COMMD7: variants seen among roughly 807,000 people sequenced by gnomAD.
The protein encoded by COMMD7 is COMM domain containing 7.
In COMMD7, 28 loss-of-function variants were observed where a neutral mutation model predicts 34.8. That is an observed-to-expected ratio of 0.80 (90% CI 0.60 to 1.10). COMMD7 has a LOEUF of 1.10. COMMD7 is among the 50% of genes least tolerant of loss of function. COMMD7 has a pLI of 0.00. For synonymous variants in COMMD7, 80 were observed against 86.4 expected, an observed-to-expected ratio of 0.93 and a Z score of 0.41; for missense variants, 211 against 241.6, an observed-to-expected ratio of 0.87 and a Z score of 0.84.
intron 3 of COMMD7, among the ~76,000 whole-genome samples, chr20:32,713,034 T>C (rs896146015): frequency 6.6e-6 from 1 of 150,822 alleles, no homozygotes; most frequent in African/African-American, 2.4e-5. Flanking sequence ...GCCCGTCCTC[T>C]TTCTTTTTTA....
chr20:32,711,939 CT>C (rs1984469211), intron 3 of COMMD7, among the ~76,000 whole-genome samples: 1 of 150,678 alleles, frequency 6.6e-6, no homozygotes, highest in Non-Finnish European at 1.5e-5. Context: ...AATCCCAGCA[CT>C]TTCGGAGGCC....
chr20:32,703,531 C>G lies in COMMD7; in HGVS notation c.527-73G>C, dbSNP rs1317339517. The G allele has an allele frequency of 1.4e-5, 22 of 1,557,384 alleles. No individual in the cohort carries two copies. The Admixed American group carries it at 4.7e-4, about 33-fold the overall frequency. On this transcript the variant is annotated intron_variant, in intron 8 of 8. Coordinates refer to ENST00000278980, the MANE Select transcript of COMMD7 (RefSeq NM_053041.3). ...AATCATCCAAGAAAATTAATTTCCACCCGGAGGATTTTTTTTTTCTTTTTT... is the reference window on the plus strand; with the variant it reads ...AATCATCCAAGAAAATTAATTTCCAGCCGGAGGATTTTTTTTTTCTTTTTT...
At chr20:32,714,824 A>AAACAACAACAACAACAAC (rs55911529) in intron 3 of COMMD7, among the ~76,000 whole-genome samples, 9,941 of 139,640 alleles carry the variant, frequency 0.071, 429 homozygotes, top group Non-Finnish European at 0.088. Context: ...ACTCCATCTC[A>AAACAACAACAACAACAAC]AACAACAACA....
At chr20:32,718,922 G>A (rs535116176) in intron 3 of COMMD7, among the ~76,000 whole-genome samples, 4 of 152,118 alleles carry the variant, frequency 2.6e-5, no homozygotes, top group Non-Finnish European at 5.9e-5. Flanking sequence ...CAAGGCTGGG[G>A]TTGCGGGGAG....
At chr20:32,730,887 G>T (rs540437372) in intron 1 of COMMD7, among the ~76,000 whole-genome samples, 2 of 152,216 alleles carry the variant, frequency 1.3e-5, no homozygotes, top group South Asian at 4.1e-4. Flanking sequence ...TATAAAAAAA[G>T]AAAAAGATTA....
intron 5 of COMMD7, among the ~76,000 whole-genome samples, 194 bp downstream of exon 5, chr20:32,706,389 T>A (rs1334346903): frequency 6.6e-6 from 1 of 151,726 alleles, no homozygotes; most frequent in Non-Finnish European, 1.5e-5. Context: ...GGCATGTGCC[T>A]GTAGTCCCAG....
chr20:32,711,995 G>C (rs1984475750), intron 3 of COMMD7, among the ~76,000 whole-genome samples: 1 of 122,318 alleles, frequency 8.2e-6, no homozygotes, highest in South Asian at 2.8e-4. Flanking sequence ...CTGAGGGCTG[G>C]GCACGATGGC....
At chr20:32,726,465 A>G (rs6058832) in intron 3 of COMMD7, among the ~76,000 whole-genome samples, 103,840 of 151,470 alleles carry the variant, frequency 0.69, 36,331 homozygotes, top group Middle Eastern at 0.82. Flanking sequence ...ACTTTGGGAG[A>G]CTGAGGTGGG....
At chr20:32,706,373 C>T (rs1242029864) in intron 5 of COMMD7, among the ~76,000 whole-genome samples, 1 of 151,748 alleles carries the variant, frequency 6.6e-6, no homozygotes, top group East Asian at 1.9e-4. Flanking sequence ...ATTAGCTGGG[C>T]ATGGTGGCAT....
chr20:32,716,859 CTT>C (rs34687680), intron 3 of COMMD7, among the ~76,000 whole-genome samples: 12 of 146,866 alleles, frequency 8.2e-5, no homozygotes, highest in Non-Finnish European at 1.2e-4. Context: ...GGGTTAGTAA[CTT>C]TTTTTTTTTT....
intron 3 of COMMD7, among the ~76,000 whole-genome samples, chr20:32,714,453 C>T (rs1274423288): frequency 1.4e-5 from 2 of 146,600 alleles, no homozygotes; most frequent in East Asian, 2.1e-4. Flanking sequence ...TTTGGGAGGC[C>T]GAGGCAAGCG....
At chr20:32,727,051 G>C (rs1010206603) in intron 3 of COMMD7, among the ~76,000 whole-genome samples, 2 of 151,950 alleles carry the variant, frequency 1.3e-5, no homozygotes, top group African/African-American at 2.4e-5. Flanking sequence ...GTAACATAGA[G>C]AGACTCTATC....
At chr20:32,713,467 TG>T (rs1447853375) in intron 3 of COMMD7, among the ~76,000 whole-genome samples, 6 of 152,216 alleles carry the variant, frequency 3.9e-5, no homozygotes, top group African/African-American at 1.4e-4. Flanking sequence ...CCAAGACGGT[TG>T]GAAAAACAGC....
chr20:32,714,463 G>A (rs576104085), intron 3 of COMMD7, among the ~76,000 whole-genome samples: 8 of 152,010 alleles, frequency 5.3e-5, no homozygotes, highest in South Asian at 2.1e-4. Flanking sequence ...CGAGGCAAGC[G>A]GATCACCTGA....
At chr20:32,714,106 C>CT (rs1984630230) in intron 3 of COMMD7, among the ~76,000 whole-genome samples, 2 of 152,026 alleles carry the variant, frequency 1.3e-5, no homozygotes. Flanking sequence ...GAGTGTGACT[C>CT]TGTCTTAAAA....
At chr20:32,713,002 G>T (rs1984565824) in intron 3 of COMMD7, among the ~76,000 whole-genome samples, 1 of 151,420 alleles carries the variant, frequency 6.6e-6, no homozygotes, top group Non-Finnish European at 1.5e-5. Flanking sequence ...AAAGTGCTGG[G>T]ATTACAGGCG....
intron 1 of COMMD7, among the ~76,000 whole-genome samples, chr20:32,731,227 A>G (rs546521016): frequency 1.3e-5 from 2 of 152,298 alleles, no homozygotes; most frequent in Admixed American, 1.3e-4. Context: ...CTGAGGCAGG[A>G]GGATTGCTTC....
intron 3 of COMMD7, among the ~76,000 whole-genome samples, chr20:32,724,249 G>A (rs1264925563): frequency 1.2e-3 from 25 of 21,098 alleles, no homozygotes; most frequent in South Asian, 6.8e-3. Flanking sequence ...CTGGCCAGCC[G>A]CCCCGTCCGG....
At chr20:32,741,712 G>T (rs1986457758) in intron 1 of COMMD7, among the ~76,000 whole-genome samples, 1 of 152,006 alleles carries the variant, frequency 6.6e-6, no homozygotes, top group Non-Finnish European at 1.5e-5. Context: ...TACTGTATTT[G>T]TACTGTACCT....
Sources: gnomAD v4.1 joint callset for allele counts (sites outside exome capture counted in the v4.1 genomes callset) on GRCh38, gnomAD v4.1.1 for gene constraint, MANE v1.5 for transcripts, NCBI Gene and HGNC (gene_info 2026-07-23, HGNC 2026-07-21) for gene names.